The following SYNDIG1 variants were observed in gnomAD, a reference collection of about 807,000 sequenced individuals.
The protein encoded by SYNDIG1 is synapse differentiation inducing 1.
In SYNDIG1, 9 loss-of-function variants were observed where a neutral mutation model predicts 19.4. That is an observed-to-expected ratio of 0.46 (90% CI 0.28 to 0.81). The LOEUF is 0.81. SYNDIG1 is among the 30% of genes least tolerant of loss of function. SYNDIG1 has a pLI of 0.12. For missense variants in SYNDIG1, 311 were observed against 343.3 expected (o/e 0.91, Z 0.74); for synonymous variants, 141 against 145.9 (o/e 0.97, Z 0.24).
At chr20:24,500,992 A>G (rs932488617) in intron 1 of SYNDIG1, among the ~76,000 whole-genome samples, 19 of 152,336 alleles carry the variant, frequency 1.2e-4, no homozygotes, top group African/African-American at 4.6e-4. Context: ...TCTACCGTAT[A>G]AACACTAAAA....
At chr20:24,539,424 C>A (rs775004939) in intron 1 of SYNDIG1, among the ~76,000 whole-genome samples, 1 of 152,166 alleles carries the variant, frequency 6.6e-6, no homozygotes, top group Admixed American at 6.5e-5. Context: ...GGGTTTATTT[C>A]TGGGCTCTCT....
intron 1 of SYNDIG1, among the ~76,000 whole-genome samples, chr20:24,471,101 G>A (rs1351668416): frequency 5.3e-5 from 8 of 152,132 alleles, no homozygotes; most frequent in African/African-American, 1.9e-4. Context: ...TGAGTCCAAA[G>A]AAGGAGGTGG....
intron 1 of SYNDIG1, among the ~76,000 whole-genome samples, chr20:24,531,064 C>T (rs746255343): frequency 3.3e-5 from 5 of 152,084 alleles, no homozygotes; most frequent in Admixed American, 1.3e-4. Flanking sequence ...CCTGCCTCAG[C>T]CTCCCAAAGT....
At chr20:24,471,879 C>T (rs117801850) in intron 1 of SYNDIG1, among the ~76,000 whole-genome samples, 525 of 152,232 alleles carry the variant, frequency 3.4e-3, no homozygotes, top group Non-Finnish European at 6.0e-3. Context: ...ACATTGTATA[C>T]GCATATCACA....
chr20:24,652,994 C>T (rs1568717599), intron 3 of SYNDIG1, among the ~76,000 whole-genome samples: 1 of 152,210 alleles, frequency 6.6e-6, no homozygotes, highest in Non-Finnish European at 1.5e-5. Context: ...TCCAAGGAAG[C>T]TGCTTGTCTC....
At chr20:24,514,053 C>A (rs1053186266) in intron 1 of SYNDIG1, among the ~76,000 whole-genome samples, 22 of 152,124 alleles carry the variant, frequency 1.4e-4, no homozygotes, top group African/African-American at 5.1e-4. Context: ...GAAATAAAAT[C>A]CTTTACAGAG....
intron 1 of SYNDIG1, among the ~76,000 whole-genome samples, chr20:24,503,997 T>C (rs2056523057): frequency 6.7e-6 from 1 of 148,294 alleles, no homozygotes; most frequent in Admixed American, 6.7e-5. Flanking sequence ...TCTCACACTT[T>C]CGCCCAGGCT....
intron 3 of SYNDIG1, among the ~76,000 whole-genome samples, chr20:24,656,597 A>C (rs1161398456): frequency 6.6e-6 from 1 of 152,212 alleles, no homozygotes; most frequent in Admixed American, 6.5e-5. Context: ...ACCAGGATGC[A>C]GGACCGAGCT....
chr20:24,535,307 T>G (rs4361191), intron 1 of SYNDIG1, among the ~76,000 whole-genome samples: 5,884 of 152,276 alleles, frequency 0.039, 385 homozygotes, highest in African/African-American at 0.13. Context: ...TTGATGAAGA[T>G]CCAAACCTCA....
chr20:24,510,041 C>T (rs2056702019), intron 1 of SYNDIG1, among the ~76,000 whole-genome samples: 1 of 152,156 alleles, frequency 6.6e-6, no homozygotes, highest in Non-Finnish European at 1.5e-5. Context: ...CCTGCCTGCT[C>T]CTCTTTTCCT....
intron 1 of SYNDIG1, among the ~76,000 whole-genome samples, chr20:24,513,690 G>A (rs1374221000): frequency 6.6e-6 from 1 of 152,108 alleles, no homozygotes; most frequent in Non-Finnish European, 1.5e-5. Flanking sequence ...AACCAAGTTG[G>A]AAAACACTCT....
chr20:24,625,426 C>G (rs1230026739), intron 3 of SYNDIG1, among the ~76,000 whole-genome samples: 1 of 118,312 alleles, frequency 8.5e-6, no homozygotes, highest in South Asian at 2.6e-4. Flanking sequence ...GGGTGTTTCT[C>G]GCAGAGGGGG....
At chr20:24,555,283 G>T (rs2057790643) in intron 2 of SYNDIG1, among the ~76,000 whole-genome samples, 1 of 152,076 alleles carries the variant, frequency 6.6e-6, no homozygotes, top group African/African-American at 2.4e-5. Flanking sequence ...TTTTTGAAGG[G>T]TTTTTTGTGT....
intron 1 of SYNDIG1, among the ~76,000 whole-genome samples, chr20:24,518,732 G>A (rs542161514): frequency 3.9e-5 from 6 of 152,294 alleles, no homozygotes; most frequent in East Asian, 1.9e-4. Context: ...CACAGAGGAC[G>A]TATCTCCATA....
At chr20:24,585,775 G>T (rs983680843) in intron 3 of SYNDIG1, among the ~76,000 whole-genome samples, 7 of 152,230 alleles carry the variant, frequency 4.6e-5, no homozygotes, top group Admixed American at 2.6e-4. Flanking sequence ...ACTGCTATCT[G>T]CCCAACCAAA....
intron 2 of SYNDIG1, among the ~76,000 whole-genome samples, chr20:24,547,377 C>G (rs2057600750): frequency 6.6e-6 from 1 of 152,224 alleles, no homozygotes; most frequent in African/African-American, 2.4e-5. Context: ...GTAACAAGAA[C>G]AGGTTCTATG....
chr20:24,555,126 T>C (rs2057786984), intron 2 of SYNDIG1, among the ~76,000 whole-genome samples: 2 of 152,202 alleles, frequency 1.3e-5, no homozygotes, highest in Non-Finnish European at 1.5e-5. Context: ...TGGTAGTTTG[T>C]ATTTCTGTGG....
chr20:24,654,938 C>G (rs1447219592), intron 3 of SYNDIG1, among the ~76,000 whole-genome samples: 3 of 152,192 alleles, frequency 2.0e-5, no homozygotes, highest in Admixed American at 2.0e-4. Flanking sequence ...TCCCAACTGT[C>G]AGTCAAACAT....
intron 3 of SYNDIG1, among the ~76,000 whole-genome samples, chr20:24,654,648 G>T (rs2059505134): frequency 7.1e-6 from 1 of 140,020 alleles, no homozygotes; most frequent in Non-Finnish European, 1.5e-5. Flanking sequence ...GAGGGAGGGA[G>T]GGAGGAAGGA....
Sources: gnomAD v4.1 joint callset for allele counts (sites outside exome capture counted in the v4.1 genomes callset) on GRCh38, gnomAD v4.1.1 for gene constraint, MANE v1.5 for transcripts, NCBI Gene and HGNC (gene_info 2026-07-23, HGNC 2026-07-21) for gene names.